Variants in KIF13A observed in about 807,000 individuals in gnomAD.
The protein encoded by KIF13A is kinesin-like protein KIF13A.
In KIF13A, 79 loss-of-function variants were observed where a neutral mutation model predicts 212.2. That is an observed-to-expected ratio of 0.37 (90% confidence interval 0.31 to 0.45). The LOEUF (loss-of-function observed/expected upper bound fraction) is 0.45. Ranked by LOEUF, KIF13A falls within the 20% of genes least tolerant of loss-of-function variation. The probability of loss-of-function intolerance (pLI) is 1.00; values close to 1 mark genes in which losing one functional copy is unlikely to be tolerated. For missense variants in KIF13A, 1,901 were observed against 2,209.0 expected, an observed-to-expected ratio of 0.86 and a Z score of 2.79; for synonymous variants, 789 against 808.6, an observed-to-expected ratio of 0.98 and a Z score of 0.41.
intron 2 of KIF13A, among the ~76,000 whole-genome samples, chr6:17,901,687 G>A (rs1158040925): frequency 6.6e-6 from 1 of 152,130 alleles, no homozygotes; most frequent in East Asian, 1.9e-4. Context: ...TTTTGGAGCT[G>A]CCCAAATCAT....
At chr6:17,780,518 A>C (rs1760467061) in intron 31 of KIF13A, among the ~76,000 whole-genome samples, 2 of 152,218 alleles carry the variant, frequency 1.3e-5, no homozygotes, top group Admixed American at 1.3e-4. Flanking sequence ...ACACCTCTCC[A>C]ATCAGTCAAG....
In KIF13A at chr6:17,777,668, GCC is replaced by G. The variant is rs1760123780; in HGVS notation, c.4093-316_4093-315del. 6.6e-6 allele frequency among the ~76,000 whole-genome samples: 1 copy of G among 152,104 alleles called. No homozygotes were observed. The highest frequency in any genetic ancestry group is 1.5e-5 in the Non-Finnish European group (1 of 68,026). ...CAAAGTGTTAGGATTACAGGCGTGAGCCACCGCACCCGGCCATTACTTTATTT... is the reference window on the plus strand; with the variant it reads ...CAAAGTGTTAGGATTACAGGCGTGAGACCGCACCCGGCCATTACTTTATTT... On this transcript the variant is annotated intron_variant, in intron 33 of 38. Coordinates refer to ENST00000259711, the MANE Select transcript of KIF13A (RefSeq NM_022113.6). This position sits in a 1 kb window ranked among gnomAD's most constrained non-coding sequence, Gnocchi z 4.4.
intron 4 of KIF13A, among the ~76,000 whole-genome samples, chr6:17,865,339 T>A (rs909192492): frequency 1.4e-5 from 2 of 141,400 alleles, no homozygotes; most frequent in South Asian, 2.3e-4. Context: ...AAAAAAAAAA[T>A]AAAGGCTGGG....
chr6:17,770,859 AG>A lies in KIF13A; in HGVS notation c.4581+254del, dbSNP rs928766421. 45 of 617,340 alleles carry A rather than the reference AG, an allele frequency of 7.3e-5. No individual in the cohort carries two copies. In the Admixed American group the frequency reaches 1.8e-3, roughly 25 times the overall value. 38.2% of individuals were successfully genotyped at this position (617,340 alleles called of 1,614,324 possible). A position where few individuals can be genotyped will look rare whatever the true frequency, so the allele number is the denominator to read the frequency against. ...GATCTCTTTGTTACACTTTTTATAA[AG>A]GCCAGAAGCAATAAAAGTGCCTTTC... is the stretch of plus-strand genomic sequence containing the variant. On this transcript the variant is annotated intron_variant, in intron 38 of 38. Coordinates refer to ENST00000259711, the MANE Select transcript of KIF13A (RefSeq NM_022113.6).
chr6:17,865,011 G>C (rs1769214257), intron 4 of KIF13A, among the ~76,000 whole-genome samples: 1 of 152,200 alleles, frequency 6.6e-6, no homozygotes. Flanking sequence ...AAGAGGCACA[G>C]GATAAAAGAG....
rs774773858 is a variant in KIF13A, at chr6:17,780,804, C to T, written c.3772G>A (p.Val1258Ile). 1.2e-6 allele frequency: 2 copies of T among 1,613,948 alleles called. No individual in the cohort carries two copies. The highest frequency in any genetic ancestry group is 1.7e-6 in the Non-Finnish European group (2 of 1,179,848). ...ATAGCAGCAGGGTGGCTGAGTTGAA[C>T]TGTGGTTTTCACAATTAGGTAAATC... ...ERIYLIVKTT[V>I]QLSHPAAMEL... Residue 1258 changes from valine (V) to isoleucine (I), a missense_variant, in exon 31 of 39, where the codon GTT (valine) becomes ATT (isoleucine). By Grantham distance (29) the Val-to-Ile change is conservative (BLOSUM62 3). Transcript: ENST00000259711.
intron 4 of KIF13A, among the ~76,000 whole-genome samples, chr6:17,857,445 G>T (rs376333174): frequency 6.6e-6 from 1 of 152,046 alleles, no homozygotes; most frequent in Non-Finnish European, 1.5e-5. Context: ...TCTCTCTCTC[G>T]CTGCCATGTA....
chr6:17,935,672 A>G (rs1422371689), intron 2 of KIF13A, among the ~76,000 whole-genome samples: 1 of 152,228 alleles, frequency 6.6e-6, no homozygotes, highest in Non-Finnish European at 1.5e-5. Flanking sequence ...AAAAGGAGGA[A>G]CTACCCTTGA....
At chr6:17,832,908 G>C (rs1442923137) in intron 12 of KIF13A, among the ~76,000 whole-genome samples, 2 of 150,350 alleles carry the variant, frequency 1.3e-5, no homozygotes, top group East Asian at 4.0e-4. Context: ...CAGCTGCTCG[G>C]GAGGCTGAGG....
At chr6:17,791,120 TTTTA>T (rs1413428364) in intron 25 of KIF13A, among the ~76,000 whole-genome samples, 5 of 152,124 alleles carry the variant, frequency 3.3e-5, no homozygotes, top group Admixed American at 6.6e-5. Flanking sequence ...TTTTTTTTTT[TTTTA>T]GTTTGGTAAC....
intron 23 of KIF13A, among the ~76,000 whole-genome samples, chr6:17,795,588 C>T (rs983104258): frequency 1.5e-5 from 2 of 130,804 alleles, no homozygotes; most frequent in African/African-American, 2.6e-5. Flanking sequence ...CAGAGCAAGA[C>T]TCCATCTCAA....
At chr6:17,844,856 T>C (rs1454797978) in intron 9 of KIF13A, among the ~76,000 whole-genome samples, 1 of 152,152 alleles carries the variant, frequency 6.6e-6, no homozygotes, top group Non-Finnish European at 1.5e-5. Context: ...TTTTTCTCCC[T>C]CAATACAAAT....
chr6:17,839,474 A>G lies in KIF13A; in HGVS notation c.831-1891T>C, dbSNP rs572384106. Among the ~76,000 whole-genome samples, 2 of 152,332 alleles carry G rather than the reference A, an allele frequency of 1.3e-5. No individual in the cohort carries two copies. The highest frequency in any genetic ancestry group is 3.9e-4 in the East Asian group (2 of 5,182). On this transcript the variant is annotated intron_variant, in intron 9 of 38. Coordinates refer to ENST00000259711, the MANE Select transcript of KIF13A (RefSeq NM_022113.6). This position sits in a 1 kb window ranked among gnomAD's most constrained non-coding sequence, Gnocchi z 4.3. Reference sequence around the variant, plus strand: ...ATATCATTTGGCCATAAAAGGGAATAAGTTCAGATACATGTATCACAACAA... The same window carrying G: ...ATATCATTTGGCCATAAAAGGGAATGAGTTCAGATACATGTATCACAACAA...
At chr6:17,902,460 G>C (rs1247321680) in intron 2 of KIF13A, among the ~76,000 whole-genome samples, 2 of 152,178 alleles carry the variant, frequency 1.3e-5, no homozygotes, top group East Asian at 3.9e-4. Flanking sequence ...ATTGATAGTA[G>C]TTCTATTTTT....
chr6:17,866,828 CATATATATATATATATATAT>C (rs60217235), intron 4 of KIF13A, among the ~76,000 whole-genome samples: 8 of 22,936 alleles, frequency 3.5e-4, no homozygotes, highest in Non-Finnish European at 6.2e-4. Flanking sequence ...AAAAGCAGCG[CATATATATATATATATATAT>C]ATATATATAT....
intron 2 of KIF13A, among the ~76,000 whole-genome samples, chr6:17,935,077 G>T (rs1239964451): frequency 6.6e-6 from 1 of 152,088 alleles, no homozygotes. Context: ...CTTATTTTTG[G>T]CTAGTTGTGT....
intron 20 of KIF13A, among the ~76,000 whole-genome samples, chr6:17,803,699 A>T (rs1762669279): frequency 6.6e-6 from 1 of 152,178 alleles, no homozygotes; most frequent in Non-Finnish European, 1.5e-5. Flanking sequence ...AGGGGCCAGG[A>T]AGGAACTAGA....
intron 4 of KIF13A, among the ~76,000 whole-genome samples, chr6:17,863,927 G>T (rs143002864): frequency 2.0e-5 from 3 of 152,136 alleles, no homozygotes. Context: ...AGCTGTTTAC[G>T]CTGAGTGGTG....
rs192841452 is a variant in KIF13A at position 17,919,835 on chromosome 6, T to C, written c.147-21655A>G. The stretch of plus-strand genomic sequence containing the variant: ...GCTCATGATGACATCCAGCAGCCTC[T>C]GGCTCTGCTACGACAGTGAAGAAAT... On this transcript the variant is annotated intron_variant, in intron 2 of 38. Transcript: ENST00000259711. This position sits in a 1 kb window ranked among gnomAD's most constrained non-coding sequence, Gnocchi z 4.1. Among the ~76,000 whole-genome samples, 2 of 152,324 alleles carry C rather than the reference T, an allele frequency of 1.3e-5. No individual in the cohort carries two copies. The highest frequency in any genetic ancestry group is 4.8e-5 in the African/African-American group (2 of 41,576).
Sources: allele counts gnomAD v4.1 joint callset (sites outside exome capture counted in the v4.1 genomes callset), GRCh38; gene constraint gnomAD v4.1.1; non-coding constraint Gnocchi (gnomAD v3.1); transcripts MANE v1.5; gene names NCBI Gene and HGNC (gene_info 2026-07-23, HGNC 2026-07-21).